Variants in IRX3 observed in about 807,000 individuals in gnomAD.
The protein encoded by IRX3 is iroquois homeobox 3, also known as iroquois-class homeodomain protein IRX-3.
Under a neutral mutation model 36.4 loss-of-function variants are expected in IRX3, and 20 were observed. The observed-to-expected ratio is 0.55, with a 90% confidence interval of 0.39 to 0.80. The LOEUF is 0.80. IRX3 is among the 30% of genes least tolerant of loss of function. IRX3 has a pLI of 0.00. For synonymous variants in IRX3, 404 were observed against 351.6 expected (o/e 1.15, Z -1.67); for missense variants, 718 against 733.2 (o/e 0.98, Z 0.24).
At position 54,284,503 on chromosome 16, in the gene IRX3, C is replaced by A; in HGVS notation, c.1378G>T (p.Gly460Ter). The A allele has an allele frequency of 7.1e-7, 1 of 1,403,020 alleles. No homozygotes were observed. Among genetic ancestry groups the A allele is most frequent in the Non-Finnish European group, 9.2e-7 (1 of 1,091,024 alleles). The allele number at this position is 1,403,020 out of a possible 1,614,324, so 86.9% of individuals were successfully genotyped here. ...AFARPAEPEG[G>*]TDRCSALEVE... is the part of the protein sequence containing the mutation. ...CCCAGCGCTCAGCAGTCACCTGTTC[C>A]GCCTTCGGGCTCCGCTGGCCGAGCG... The change falls in exon 2 of 4, where the codon GGA (glycine) becomes TGA (stop). Residue 460 changes from glycine (G) to a stop codon, truncating the protein, a stop_gained. Coordinates refer to ENST00000329734, the MANE Select transcript of IRX3 (RefSeq NM_024336.3). LOFTEE classifies it high-confidence loss of function. This position sits in a 1 kb window ranked among gnomAD's most constrained non-coding sequence, Gnocchi z 4.0.
In IRX3 at chr16:54,283,910, C is replaced by G. The variant is rs1341920137; in HGVS notation, c.1452-170G>C. 22 of 985,188 alleles carry G rather than the reference C, an allele frequency of 2.2e-5. No individual in the cohort carries two copies. The highest frequency in any genetic ancestry group is 4.7e-5 in the South Asian group (1 of 21,292). The allele number at this position is 985,188 out of a possible 1,614,324, so 61.0% of individuals were successfully genotyped here. ...TTGGGGTTTAACTGTAGGGTGGGCA[C>G]GAGGCGTCAGGACCCGAGGTCTGGG... is the stretch of plus-strand genomic sequence containing the variant. On this transcript the variant is annotated intron_variant, in intron 3 of 3. Coordinates refer to ENST00000329734, the MANE Select transcript of IRX3 (RefSeq NM_024336.3). This position sits in a 1 kb window ranked among gnomAD's most constrained non-coding sequence, Gnocchi z 4.4.
chr16:54,285,368 G>A lies in IRX3; in HGVS notation c.513C>T (p.Leu171=), dbSNP rs770910911. 4 of 1,614,076 alleles carry A rather than the reference G, an allele frequency of 2.5e-6. No individual in the cohort carries two copies. The highest frequency in any genetic ancestry group is 2.5e-6 in the Non-Finnish European group (3 of 1,180,054). Residue 171 remains leucine, a synonymous_variant, in exon 2 of 4, where the codon CTC becomes CTT. Transcript: ENST00000329734. This position sits in a 1 kb window ranked among gnomAD's most constrained non-coding sequence, Gnocchi z 5.7. ...TGGCGAACCAGGTGGACACCTGGGT[G>A]AGGGTCATCTTGGTGATGATGGCCA... ...IMLAIITKMT[L]TQVSTWFANA... is the part of the protein sequence containing the mutation.
Position 54,283,664 on chromosome 16 carries a change from T to C in IRX3, c.*22A>G, listed in dbSNP as rs771626042. Reference sequence around the variant, plus strand: ...CAACGATTAAAAAAAGTTTTTTTTGTTTTTTTGTTTTTTTTAAAGAACTAG... The same window carrying C: ...CAACGATTAAAAAAAGTTTTTTTTGCTTTTTTGTTTTTTTTAAAGAACTAG... On this transcript the variant is annotated 3_prime_UTR_variant, in exon 4 of 4. Coordinates refer to ENST00000329734, the MANE Select transcript of IRX3 (RefSeq NM_024336.3). The surrounding 1 kb of genome is among the most constrained non-coding windows in gnomAD (Gnocchi z 4.4). 1.7e-6 allele frequency: 2 copies of C among 1,171,370 alleles called. No individual in the cohort carries two copies. The highest frequency in any genetic ancestry group is 2.6e-5 in the South Asian group (2 of 77,664). 72.6% of individuals were successfully genotyped at this position (1,171,370 alleles called of 1,614,324 possible). A position where few individuals can be genotyped will look rare whatever the true frequency, so the allele number is the denominator to read the frequency against.
Position 54,284,737 on chromosome 16 carries a change from C to A in IRX3, c.1144G>T (p.Ala382Ser), listed in dbSNP as rs1167109795. The part of the protein sequence containing the change: ...SPPGAAVAPS[A>S]LQLSPAAAAA... ...GCGGCGGCCGGAGAGAGCTGCAGGGCGGAAGGCGCGACCGCTGCCCCCGGT... is the reference window on the plus strand; with the variant it reads ...GCGGCGGCCGGAGAGAGCTGCAGGGAGGAAGGCGCGACCGCTGCCCCCGGT... The change falls in exon 2 of 4, where the codon GCC becomes TCC. Residue 382 changes from alanine (A) to serine (S), a missense_variant. Around this residue, in one of 3 missense-constraint regions of IRX3, gnomAD observed 468 missense variants for 462.1 expected, o/e 1.01. Transcript: ENST00000329734. This position sits in a 1 kb window ranked among gnomAD's most constrained non-coding sequence, Gnocchi z 4.0. 4.8e-6 allele frequency: 7 copies of A among 1,453,538 alleles called. No individual in the cohort carries two copies. The highest frequency in any genetic ancestry group is 2.8e-5 in the Admixed American group (1 of 35,538). 90.0% of individuals were successfully genotyped at this position (1,453,538 alleles called of 1,614,324 possible).
chr16:54,284,802 T>C lies in IRX3; in HGVS notation c.1079A>G (p.Asp360Gly). The change falls in exon 2 of 4, where the codon GAC becomes GGC. Residue 360 changes from aspartate (D) to glycine (G), a missense_variant. Around this residue, in one of 3 missense-constraint regions of IRX3, gnomAD observed 468 missense variants for 462.1 expected, o/e 1.01. Transcript: ENST00000329734. This position sits in a 1 kb window ranked among gnomAD's most constrained non-coding sequence, Gnocchi z 4.0. ...WSLAETATSP[D>G]NPRRSPPGAG... is the part of the protein sequence containing the mutation. ...GCCGGGAGGCGAGCGGCGCGGGTTG[T>C]CCGGGCTTGTGGCAGTCTCCGCGAG... The C allele has an allele frequency of 6.7e-7, 1 of 1,481,902 alleles. No individual in the cohort carries two copies. The highest frequency in any genetic ancestry group is 2.6e-5 in the Admixed American group (1 of 38,834). The allele number at this position is 1,481,902 out of a possible 1,614,324, so 91.8% of individuals were successfully genotyped here. A position where few individuals can be genotyped will look rare whatever the true frequency, so the allele number is the denominator to read the frequency against.
At position 54,285,514 on chromosome 16, in the gene IRX3, AC is replaced by A. The variant is rs778121776; in HGVS notation, c.366del (p.Gln122HisfsTer21). 1 of 1,613,836 alleles carries A rather than the reference AC, an allele frequency of 6.2e-7. No homozygotes were observed. The highest frequency in any genetic ancestry group is 8.5e-7 in the Non-Finnish European group (1 of 1,179,910). On this transcript the variant is annotated frameshift_variant, in exon 2 of 4. Coordinates refer to ENST00000329734, the MANE Select transcript of IRX3 (RefSeq NM_024336.3). LOFTEE classifies it high-confidence loss of function. The surrounding 1 kb of genome is among the most constrained non-coding windows in gnomAD (Gnocchi z 5.7). The stretch of plus-strand genomic sequence containing the variant: ...GGACGGGACGGGTCCCCGAACTGGT[AC>A]TGGCCATACGGGTAGAAGGCGGGGT... ...HPHPAFYPYGQYQFGDPSRPK... is the reference protein window; with the variant it reads ...HPHPAFYPYGXYQFGDPSRPK...
chr16:54,285,291 C>T lies in IRX3; in HGVS notation c.590G>A (p.Ser197Asn), dbSNP rs751711201. The T allele has an allele frequency of 1.4e-5, 22 of 1,614,156 alleles. 1 individual carries two copies. The South Asian group carries it at 2.0e-4, about 15-fold the overall frequency. ...AGCGTTTCCCTCCTCGTCAGTGCGGCTGCGAGGCGCCCAAGTCATCTTATT... is the reference window on the plus strand; with the variant it reads ...AGCGTTTCCCTCCTCGTCAGTGCGGTTGCGAGGCGCCCAAGTCATCTTATT... Reference protein sequence around the residue: ...KENKMTWAPRSRTDEEGNAYG... With the variant: ...KENKMTWAPRNRTDEEGNAYG... Residue 197 changes from serine to asparagine, a missense_variant, in exon 2 of 4, where the codon AGC (serine) becomes AAC (asparagine). Around this residue, in one of 3 missense-constraint regions of IRX3, gnomAD observed 468 missense variants for 462.1 expected, o/e 1.01. Transcript: ENST00000329734. The surrounding 1 kb of genome is among the most constrained non-coding windows in gnomAD (Gnocchi z 5.7).
In IRX3 at chr16:54,284,793, C is replaced by G; in HGVS notation, c.1088G>C (p.Arg363Pro). 6.8e-7 allele frequency: 1 copy of G among 1,468,904 alleles called. No individual in the cohort carries two copies. Among genetic ancestry groups the G allele is most frequent in the Non-Finnish European group, 8.9e-7 (1 of 1,121,248 alleles). The allele number at this position is 1,468,904 out of a possible 1,614,324, so 91.0% of individuals were successfully genotyped here. ...AETATSPDNP[R>P]RSPPGAGGSP... ...CCCCCCCGCGCCGGGAGGCGAGCGGCGCGGGTTGTCCGGGCTTGTGGCAGT... is the reference window on the plus strand; with the variant it reads ...CCCCCCCGCGCCGGGAGGCGAGCGGGGCGGGTTGTCCGGGCTTGTGGCAGT... The change falls in exon 2 of 4, where the codon CGC becomes CCC. Residue 363 changes from arginine to proline, a missense_variant. Physicochemically the swap from Arg to Pro is moderately radical, Grantham distance 103. Around this residue, in one of 3 missense-constraint regions of IRX3, gnomAD observed 468 missense variants for 462.1 expected, o/e 1.01. Coordinates refer to ENST00000329734, the MANE Select transcript of IRX3 (RefSeq NM_024336.3). The surrounding 1 kb of genome is among the most constrained non-coding windows in gnomAD (Gnocchi z 4.0).
Position 54,284,825 on chromosome 16 carries a change from G to A in IRX3, c.1056C>T (p.Leu352=). The A allele has an allele frequency of 2.0e-6, 3 of 1,519,036 alleles. No homozygotes were observed. Among genetic ancestry groups the A allele is most frequent in the South Asian group, 1.3e-5 (1 of 78,546 alleles). The allele number at this position is 1,519,036 out of a possible 1,614,324, so 94.1% of individuals were successfully genotyped here. Residue 352 remains leucine, a synonymous_variant, in exon 2 of 4, where the codon CTC becomes CTT. Transcript: ENST00000329734. The surrounding 1 kb of genome is among the most constrained non-coding windows in gnomAD (Gnocchi z 4.0). Reference sequence around the variant, plus strand: ...TGTCCGGGCTTGTGGCAGTCTCCGCGAGGGACCAGATCTTGGGCTTCTGCA... The same window carrying A: ...TGTCCGGGCTTGTGGCAGTCTCCGCAAGGGACCAGATCTTGGGCTTCTGCA... ...SALQKPKIWS[L]AETATSPDNP... is the part of the protein sequence containing the mutation.
At position 54,283,729 on chromosome 16, in the gene IRX3, T is replaced by C. The variant is rs1013510102; in HGVS notation, c.1463A>G (p.His488Arg). 6.4e-7 allele frequency: 1 copy of C among 1,564,130 alleles called. No individual in the cohort carries two copies. Among genetic ancestry groups the C allele is most frequent in the Non-Finnish European group, 8.8e-7 (1 of 1,134,480 alleles). ...FQPVPRRPQN[H>R]LDAALVLSAL... ...CGATAAGACCAGGGCGGCGTCCAGATGGTTCTGGGGCCTGGAAGAGAGAGA... is the reference window on the plus strand; with the variant it reads ...CGATAAGACCAGGGCGGCGTCCAGACGGTTCTGGGGCCTGGAAGAGAGAGA... Residue 488 changes from histidine (H) to arginine (R), a missense_variant, in exon 4 of 4, where the codon CAT becomes CGT. Transcript: ENST00000329734. This position sits in a 1 kb window ranked among gnomAD's most constrained non-coding sequence, Gnocchi z 4.4.
rs768789323 is a variant in IRX3, at chr16:54,285,521, A to G, written c.360T>C (p.Tyr120=). 6.2e-7 allele frequency: 1 copy of G among 1,613,370 alleles called. No individual in the cohort carries two copies. The highest frequency in any genetic ancestry group is 1.1e-5 in the South Asian group (1 of 91,008). ...FPHPHPAFYP[Y]GQYQFGDPSR... is the part of the protein sequence containing the mutation. ...ACGGGTCCCCGAACTGGTACTGGCCATACGGGTAGAAGGCGGGGTGCGGGT... is the reference window on the plus strand; with the variant it reads ...ACGGGTCCCCGAACTGGTACTGGCCGTACGGGTAGAAGGCGGGGTGCGGGT... Residue 120 remains tyrosine, a synonymous_variant, in exon 2 of 4, where the codon TAT becomes TAC. Transcript: ENST00000329734. The surrounding 1 kb of genome is among the most constrained non-coding windows in gnomAD (Gnocchi z 5.7).
rs1901335745 is a variant in IRX3 at position 54,286,168 on chromosome 16, C to T, written c.-118G>A. ...GGCCGGGCTTGGGGCCGCGCTGCCG[C>T]CCGCGCTGCGCTGTGCTCCGCGTTC... On this transcript the variant is annotated 5_prime_UTR_variant, in exon 1 of 4. Coordinates refer to ENST00000329734, the MANE Select transcript of IRX3 (RefSeq NM_024336.3). 11 of 1,054,384 alleles carry T rather than the reference C, an allele frequency of 1.0e-5. No individual in the cohort carries two copies. Among genetic ancestry groups the T allele is most frequent in the Non-Finnish European group, 1.3e-5 (11 of 872,874 alleles). The allele number at this position is 1,054,384 out of a possible 1,614,324, so 65.3% of individuals were successfully genotyped here.
Position 54,286,256 on chromosome 16 carries a change from A to G in IRX3, c.-206T>C. ...GAGGGCGGCGGCGAGGAGCCAGGTC[A>G]GGTCCGAACAGATTGGCGGAGATTC... is the stretch of plus-strand genomic sequence containing the variant. On this transcript the variant is annotated 5_prime_UTR_variant, in exon 1 of 4. It removes the in-frame stop codon of an upstream open reading frame in the 5' UTR. Coordinates refer to ENST00000329734, the MANE Select transcript of IRX3 (RefSeq NM_024336.3). The G allele has an allele frequency of 9.9e-7, 1 of 1,006,640 alleles. No individual in the cohort carries two copies. Among genetic ancestry groups the G allele is most frequent in the Non-Finnish European group, 1.2e-6 (1 of 844,408 alleles). The allele number at this position is 1,006,640 out of a possible 1,614,324, so 62.4% of individuals were successfully genotyped here. A position where few individuals can be genotyped will look rare whatever the true frequency, so the allele number is the denominator to read the frequency against.
Position 54,284,668 on chromosome 16 carries a change from AC to A in IRX3, c.1212del (p.Lys404AsnfsTer119). The A allele has an allele frequency of 7.2e-7, 1 of 1,396,802 alleles. No individual in the cohort carries two copies. Among genetic ancestry groups the A allele is most frequent in the Non-Finnish European group, 9.2e-7 (1 of 1,088,710 alleles). The allele number at this position is 1,396,802 out of a possible 1,614,324, so 86.5% of individuals were successfully genotyped here. A position where few individuals can be genotyped will look rare whatever the true frequency, so the allele number is the denominator to read the frequency against. The stretch of plus-strand genomic sequence containing the variant: ...AACGGCCGGTTGGTCCAAGCCGGGA[AC>A]TTGCCCAGCGGCGCTGAGACCAGTC... ...AHRLVSAPLG[K>X]FPAWTNRPFP... On this transcript the variant is annotated frameshift_variant, in exon 2 of 4. Coordinates refer to ENST00000329734, the MANE Select transcript of IRX3 (RefSeq NM_024336.3). LOFTEE classifies it high-confidence loss of function. This position sits in a 1 kb window ranked among gnomAD's most constrained non-coding sequence, Gnocchi z 4.0.
At position 54,286,145 on chromosome 16, in the gene IRX3, C is replaced by G. The variant is rs1225936567; in HGVS notation, c.-95G>C. 2 of 1,123,694 alleles carry G rather than the reference C, an allele frequency of 1.8e-6. No individual in the cohort carries two copies. The highest frequency in any genetic ancestry group is 2.2e-6 in the Non-Finnish European group (2 of 914,362). The allele number at this position is 1,123,694 out of a possible 1,614,324, so 69.6% of individuals were successfully genotyped here. On this transcript the variant is annotated 5_prime_UTR_variant, in exon 1 of 4. Transcript: ENST00000329734. Reference sequence around the variant, plus strand: ...GCTCCGGCGCGCATCGGGGGCTGGGCCGGGCTTGGGGCCGCGCTGCCGCCC... The same window carrying G: ...GCTCCGGCGCGCATCGGGGGCTGGGGCGGGCTTGGGGCCGCGCTGCCGCCC...
chr16:54,285,164 GTCC>G lies in IRX3; in HGVS notation c.714_716del (p.Glu238del), dbSNP rs1462073159. 2.5e-6 allele frequency: 4 copies of G among 1,604,252 alleles called. No individual in the cohort carries two copies. The highest frequency in any genetic ancestry group is 2.6e-6 in the Non-Finnish European group (3 of 1,175,670). ...CGTCAGCCAGGCCCTCGCCCCCCGT[GTCC>G]TCCTCCTCCCCCCCGAGCTCCTCCT... On this transcript the variant is annotated inframe_deletion, in exon 2 of 4. Coordinates refer to ENST00000329734, the MANE Select transcript of IRX3 (RefSeq NM_024336.3). The surrounding 1 kb of genome is among the most constrained non-coding windows in gnomAD (Gnocchi z 5.7).
chr16:54,285,991 C>T lies in IRX3; in HGVS notation c.60G>A (p.Pro20=), dbSNP rs770115950. ...YIRPLYPSER[P]GAAGGSGGSA... is the part of the protein sequence containing the mutation. ...TGCCGCCGCTGCCGCCAGCGGCCCC[C>T]GGGCGCTCGGACGGGTAAAGCGGGC... The change falls in exon 1 of 4, where the codon CCG becomes CCA. Residue 20 remains proline (P), a synonymous_variant. Transcript: ENST00000329734. This position sits in a 1 kb window ranked among gnomAD's most constrained non-coding sequence, Gnocchi z 5.7. The T allele has an allele frequency of 9.6e-6, 13 of 1,357,046 alleles. No homozygotes were observed. Among genetic ancestry groups the T allele is most frequent in the Admixed American group, 4.0e-5 (1 of 24,698 alleles). 84.1% of individuals were successfully genotyped at this position (1,357,046 alleles called of 1,614,324 possible).
In IRX3 at chr16:54,285,949, G is replaced by T. The variant is rs1490649913; in HGVS notation, c.102C>A (p.Gly34=). 2 of 1,428,800 alleles carry T rather than the reference G, an allele frequency of 1.4e-6. No homozygotes were observed. The highest frequency in any genetic ancestry group is 1.5e-5 in the African/African-American group (1 of 66,276). The allele number at this position is 1,428,800 out of a possible 1,614,324, so 88.5% of individuals were successfully genotyped here. ...GCTCCGAGGCTCCGGCACCCAGGCCGCCCCGGGCCCCCGCGCTGCCGCCGC... is the reference window on the plus strand; with the variant it reads ...GCTCCGAGGCTCCGGCACCCAGGCCTCCCCGGGCCCCCGCGCTGCCGCCGC... ...GGSGGSAGAR[G]GLGAGASELN... Residue 34 remains glycine, a synonymous_variant, in exon 1 of 4, where the codon GGC becomes GGA. Coordinates refer to ENST00000329734, the MANE Select transcript of IRX3 (RefSeq NM_024336.3). The surrounding 1 kb of genome is among the most constrained non-coding windows in gnomAD (Gnocchi z 5.7).
chr16:54,283,742 T>C lies in IRX3; in HGVS notation c.1452-2A>G. ...GCGGCGTCCAGATGGTTCTGGGGCC[T>C]GGAAGAGAGAGACAGTAGTAGCAAA... On this transcript the variant is annotated splice_acceptor_variant, in intron 3 of 3. Coordinates refer to ENST00000329734, the MANE Select transcript of IRX3 (RefSeq NM_024336.3). LOFTEE classifies it high-confidence loss of function. The surrounding 1 kb of genome is among the most constrained non-coding windows in gnomAD (Gnocchi z 4.4). 2 of 1,603,722 alleles carry C rather than the reference T, an allele frequency of 1.2e-6. No individual in the cohort carries two copies. Among genetic ancestry groups the C allele is most frequent in the Non-Finnish European group, 1.7e-6 (2 of 1,170,860 alleles).
Sources: allele counts gnomAD v4.1 joint callset, GRCh38; gene constraint gnomAD v4.1.1; regional missense constraint gnomAD v4.1.1; non-coding constraint Gnocchi (gnomAD v3.1); transcripts MANE v1.5; gene names NCBI Gene and HGNC (gene_info 2026-07-23, HGNC 2026-07-21).